Variants in SEC63 observed in about 807,000 individuals in gnomAD.
SEC63 encodes the protein translocation protein SEC63 homolog.
SEC63 carries 56 observed loss-of-function variants against 116.2 expected under a neutral mutation model. That is an observed-to-expected ratio of 0.48 (90% CI 0.39 to 0.60). SEC63 has a LOEUF of 0.60. Among genes scored for constraint, SEC63 ranks in the 20% least tolerant of loss-of-function variants. The pLI is 0.00. For missense variants in SEC63, 668 were observed against 900.0 expected, an observed-to-expected ratio of 0.74 and a Z score of 3.30; for synonymous variants, 273 against 294.6, an observed-to-expected ratio of 0.93 and a Z score of 0.75.
At chr6:107,918,903 CCT>C (rs1491246161) in intron 4 of SEC63, among the ~76,000 whole-genome samples, 29 of 108,528 alleles carry the variant, frequency 2.7e-4, no homozygotes, top group African/African-American at 8.3e-4. Flanking sequence ...AAGCTGATTT[CCT>C]TTTTTTTTTT....
In SEC63 at chr6:107,951,750, G is replaced by A. The variant is rs571553111; in HGVS notation, c.124+6136C>T. Among the ~76,000 whole-genome samples, 549 of 152,012 alleles carry A rather than the reference G, an allele frequency of 3.6e-3. 1 individual carries two copies. Among genetic ancestry groups the A allele is most frequent in the African/African-American group, 0.012 (506 of 41,456 alleles). On this transcript the variant is annotated intron_variant, in intron 1 of 20. Coordinates refer to ENST00000369002, the MANE Select transcript of SEC63 (RefSeq NM_007214.5). The stretch of plus-strand genomic sequence containing the variant: ...TGTAATCCCAGCACTTTGGGAGGCT[G>A]AGGCAGGCGGATCATGAGGTCAGGA...
intron 16 of SEC63, 108 bp downstream of exon 16, chr6:107,893,374 C>A: frequency 9.5e-7 from 1 of 1,057,058 alleles, no homozygotes; most frequent in South Asian, 1.3e-5. Context: ...TAGGGTATCA[C>A]GGGTGCATAA....
In SEC63 at chr6:107,876,556, ATAGT is replaced by A. The variant is rs1221672109; in HGVS notation, c.2034+4_2034+7del. 3.9e-6 allele frequency: 6 copies of A among 1,524,184 alleles called. No individual in the cohort carries two copies. Among genetic ancestry groups the A allele is most frequent in the Non-Finnish European group, 5.4e-6 (6 of 1,101,056 alleles). 94.4% of individuals were successfully genotyped at this position (1,524,184 alleles called of 1,614,324 possible). On this transcript the variant is annotated splice_donor_5th_base_variant and intron_variant, in intron 19 of 20. Coordinates refer to ENST00000369002, the MANE Select transcript of SEC63 (RefSeq NM_007214.5). ...TTAAACACTGAAATCATGTTGCTTG[ATAGT>A]TACCTCCTCTGTATCTTTCAGCGTA...
chr6:107,931,558 G>C (rs1787806966), intron 1 of SEC63, among the ~76,000 whole-genome samples: 1 of 150,952 alleles, frequency 6.6e-6, no homozygotes. Context: ...GACCATCCTA[G>C]CTAACACAGT....
chr6:107,877,069 GTGTATA>G (rs1469635401), intron 18 of SEC63: 312 of 183,132 alleles, frequency 1.7e-3, no homozygotes, highest in South Asian at 4.6e-3. Context: ...ATATATGTGT[GTGTATA>G]TATATATATA....
At chr6:107,941,824 G>A (rs1434078427) in intron 1 of SEC63, among the ~76,000 whole-genome samples, 2 of 152,158 alleles carry the variant, frequency 1.3e-5, no homozygotes, top group African/African-American at 4.8e-5. Context: ...GACGATACCT[G>A]GTGCTTATCT....
intron 12 of SEC63, among the ~76,000 whole-genome samples, chr6:107,902,413 G>C (rs1787026687): frequency 6.6e-6 from 1 of 151,896 alleles, no homozygotes; most frequent in Non-Finnish European, 1.5e-5. Flanking sequence ...TATATCTTAA[G>C]ATTCATTATC....
At chr6:107,946,868 G>T (rs1770490572) in intron 1 of SEC63, among the ~76,000 whole-genome samples, 1 of 152,104 alleles carries the variant, frequency 6.6e-6, no homozygotes, top group Non-Finnish European at 1.5e-5. Context: ...GCCAGGCGTG[G>T]TGGTGGGCTC....
chr6:107,874,343 C>G (rs1786202055), intron 19 of SEC63, among the ~76,000 whole-genome samples: 2 of 151,994 alleles, frequency 1.3e-5, no homozygotes, highest in Non-Finnish European at 2.9e-5. Context: ...GCCTGTAATC[C>G]CAGCACTTTG....
At chr6:107,923,064 C>T (rs1309708515) in intron 3 of SEC63, among the ~76,000 whole-genome samples, 1 of 151,780 alleles carries the variant, frequency 6.6e-6, no homozygotes, top group African/African-American at 2.4e-5. Flanking sequence ...TATATGCTCC[C>T]AGGTTTAAAA....
At chr6:107,919,055 C>A (rs373586971) in intron 4 of SEC63, among the ~76,000 whole-genome samples, 1 of 151,988 alleles carries the variant, frequency 6.6e-6, no homozygotes, top group Admixed American at 6.6e-5. Flanking sequence ...GGATTACAGG[C>A]ATGCCCCACC....
chr6:107,922,296 G>C (rs118090783), intron 3 of SEC63, among the ~76,000 whole-genome samples: 1 of 152,198 alleles, frequency 6.6e-6, no homozygotes, highest in Non-Finnish European at 1.5e-5. Flanking sequence ...CTGAGGTCAG[G>C]AGTTCAAGAC....
At chr6:107,901,190 CA>C (rs1462940190) in intron 13 of SEC63, among the ~76,000 whole-genome samples, 179 bp downstream of exon 13, 3 of 152,168 alleles carry the variant, frequency 2.0e-5, no homozygotes, top group Non-Finnish European at 4.4e-5. Flanking sequence ...TCAGTGTTCT[CA>C]AACTATTAGG....
chr6:107,901,303 A>C, intron 13 of SEC63, 67 bp downstream of exon 13: 3 of 1,454,952 alleles, frequency 2.1e-6, no homozygotes, highest in Non-Finnish European at 2.9e-6. Context: ...GAGAATCCTG[A>C]GTCAAATAAA....
intron 16 of SEC63, among the ~76,000 whole-genome samples, chr6:107,891,494 T>C (rs1345081729): frequency 6.6e-6 from 1 of 152,080 alleles, no homozygotes; most frequent in Non-Finnish European, 1.5e-5. Context: ...CTTCCTTGCA[T>C]TGGGTTAGAA....
chr6:107,901,006 G>T (rs1786988011), intron 13 of SEC63, among the ~76,000 whole-genome samples: 1 of 152,088 alleles, frequency 6.6e-6, no homozygotes, highest in South Asian at 2.1e-4. Context: ...TTTAATTTTA[G>T]AACTAGGCAG....
At chr6:107,927,420 ATG>A (rs1292654181) in intron 2 of SEC63, among the ~76,000 whole-genome samples, 1 of 151,996 alleles carries the variant, frequency 6.6e-6, no homozygotes, top group East Asian at 1.9e-4. Context: ...AGTTTCGCAC[ATG>A]TGTCAGAAAA....
chr6:107,952,815 G>C (rs1297698970), intron 1 of SEC63, among the ~76,000 whole-genome samples: 1 of 152,156 alleles, frequency 6.6e-6, no homozygotes, highest in Non-Finnish European at 1.5e-5. Flanking sequence ...AACTGCCAGA[G>C]CAAACCTTTT....
intron 17 of SEC63, 36 bp from the exon 18 acceptor site, chr6:107,881,286 G>A: frequency 7.3e-7 from 1 of 1,373,878 alleles, no homozygotes; most frequent in Non-Finnish European, 1.0e-6. Context: ...TTAAAATCTA[G>A]TATGTGTTTT....
Sources: gnomAD v4.1 joint callset for allele counts (sites outside exome capture counted in the v4.1 genomes callset) on GRCh38, gnomAD v4.1.1 for gene constraint, MANE v1.5 for transcripts, NCBI Gene and HGNC (gene_info 2026-07-23, HGNC 2026-07-21) for gene names.